The following CSMD3 variants were observed in gnomAD, a reference collection of about 807,000 sequenced individuals.
The protein encoded by CSMD3 is CUB and Sushi multiple domains 3.
Under a neutral mutation model 435.2 loss-of-function variants are expected in CSMD3, and 177 were observed. The ratio of observed to expected loss-of-function variants is 0.41; its 90% CI spans 0.36 to 0.46. The LOEUF (loss-of-function observed/expected upper bound fraction) is 0.46. Ranked by LOEUF, CSMD3 falls within the 20% of genes least tolerant of loss-of-function variation. The probability of loss-of-function intolerance (pLI) is 0.34; values close to 1 mark genes in which losing one functional copy is unlikely to be tolerated. For synonymous variants in CSMD3, 1,656 were observed against 1,520.5 expected (o/e 1.09, Z -2.07); for missense variants, 4,265 against 4,504.6 (o/e 0.95, Z 1.52).
intron 10 of CSMD3, among the ~76,000 whole-genome samples, chr8:112,900,425 A>G (rs2082081250): frequency 6.6e-6 from 1 of 151,200 alleles, no homozygotes; most frequent in Admixed American, 6.6e-5. Flanking sequence ...CCTTTATAAA[A>G]TATTTGAGTC....
intron 35 of CSMD3, among the ~76,000 whole-genome samples, chr8:112,403,571 G>C (rs1370256413): frequency 6.6e-6 from 1 of 152,098 alleles, no homozygotes. Flanking sequence ...CTTGCTCGGT[G>C]CTTCATAGAC....
chr8:112,610,752 C>T (rs1833193510), intron 22 of CSMD3, among the ~76,000 whole-genome samples: 1 of 152,158 alleles, frequency 6.6e-6, no homozygotes, highest in African/African-American at 2.4e-5. Flanking sequence ...CTCCTGACTG[C>T]ATCAGCTGAG....
At chr8:112,273,103 T>C (rs1817677809) in intron 59 of CSMD3, among the ~76,000 whole-genome samples, 1 of 152,198 alleles carries the variant, frequency 6.6e-6, no homozygotes, top group Admixed American at 6.5e-5. Flanking sequence ...TTGAATCAAA[T>C]GACTTATAAT....
At position 112,685,688 on chromosome 8, in the gene CSMD3, A is replaced by G; in HGVS notation, c.2200T>C (p.Ser734Pro). ...NFTAPMGTVL[S>P]PDYPEGYGNN... ...CCATACCCTTCTGGGTAATCAGGAG[A>G]AAGAACTGTTCCCATTGGTGCAGTA... Residue 734 changes from serine (S) to proline (P), a missense_variant, in exon 15 of 71, where the codon TCT (serine) becomes CCT (proline). By Grantham distance (74) the Ser-to-Pro change is moderately conservative. This residue lies in a region of CSMD3 where 279 missense variants were observed against 369.0 expected (regional missense o/e 0.76). Transcript: ENST00000297405. 6.2e-7 allele frequency: 1 copy of G among 1,613,614 alleles called. No individual in the cohort carries two copies. Among genetic ancestry groups the G allele is most frequent in the Non-Finnish European group, 8.5e-7 (1 of 1,179,602 alleles).
At chr8:113,098,518 CT>C in intron 5 of CSMD3, 1 of 503,116 alleles carries the variant, frequency 2.0e-6, no homozygotes, top group Non-Finnish European at 3.6e-6. Flanking sequence ...AAAAACACAA[CT>C]GTAGATTACA....
intron 13 of CSMD3, among the ~76,000 whole-genome samples, chr8:112,734,357 G>A (rs1275062259): frequency 1.3e-5 from 2 of 151,694 alleles, no homozygotes; most frequent in Admixed American, 6.6e-5. Context: ...CAATGGAGTG[G>A]TTATGAGTTA....
At chr8:113,241,954 T>C (rs972680668) in intron 3 of CSMD3, among the ~76,000 whole-genome samples, 20 of 151,222 alleles carry the variant, frequency 1.3e-4, no homozygotes, top group Non-Finnish European at 2.7e-4. Context: ...TTACTATATA[T>C]ATATATACAC....
At chr8:112,301,310 G>T (rs934545710) in intron 53 of CSMD3, among the ~76,000 whole-genome samples, 1 of 151,350 alleles carries the variant, frequency 6.6e-6, no homozygotes, top group African/African-American at 2.4e-5. Flanking sequence ...CTAAAATCAG[G>T]TTCAAAAAAT....
chr8:113,351,254 G>T (rs1423911823), intron 1 of CSMD3, among the ~76,000 whole-genome samples: 1 of 152,106 alleles, frequency 6.6e-6, no homozygotes, highest in African/African-American at 2.4e-5. Context: ...AAAAGTGCTT[G>T]AAAATATTAT....
At chr8:112,717,316 A>T (rs1049885825) in intron 13 of CSMD3, among the ~76,000 whole-genome samples, 6 of 152,226 alleles carry the variant, frequency 3.9e-5, no homozygotes, top group Admixed American at 2.0e-4. Context: ...CACACGACAA[A>T]AAGCTCAACA....
chr8:112,412,085 T>C (rs1010997513), intron 32 of CSMD3, among the ~76,000 whole-genome samples: 95 of 152,250 alleles, frequency 6.2e-4, no homozygotes, highest in African/African-American at 2.0e-3. Context: ...ATTTATCTAT[T>C]AACCATCTAT....
At chr8:112,522,492 C>G (rs1406688336) in intron 27 of CSMD3, among the ~76,000 whole-genome samples, 1 of 151,656 alleles carries the variant, frequency 6.6e-6, no homozygotes, top group East Asian at 1.9e-4. Context: ...CTTTGCTATG[C>G]CCTAGGAAGA....
chr8:112,397,662 C>T (rs1221503654), intron 35 of CSMD3, among the ~76,000 whole-genome samples: 3 of 152,112 alleles, frequency 2.0e-5, no homozygotes, highest in Non-Finnish European at 4.4e-5. Flanking sequence ...CTAGAGATCT[C>T]TCTGGGGTCT....
At chr8:112,313,423 T>C (rs1212704261) in intron 49 of CSMD3, among the ~76,000 whole-genome samples, 1 of 152,194 alleles carries the variant, frequency 6.6e-6, no homozygotes, top group Non-Finnish European at 1.5e-5. Context: ...TCTGTATGTT[T>C]ATCCTTTGTT....
At chr8:113,178,247 GA>G (rs1298351050) in intron 3 of CSMD3, among the ~76,000 whole-genome samples, 12 of 151,856 alleles carry the variant, frequency 7.9e-5, no homozygotes, top group African/African-American at 2.9e-4. Flanking sequence ...GTGTAGAAAG[GA>G]AAACTGAGAC....
chr8:113,178,080 T>C (rs1187912876), intron 3 of CSMD3, among the ~76,000 whole-genome samples: 1 of 151,988 alleles, frequency 6.6e-6, no homozygotes, highest in African/African-American at 2.4e-5. Context: ...CTCTATGATA[T>C]GTACTAGTTA....
intron 1 of CSMD3, among the ~76,000 whole-genome samples, chr8:113,411,053 TAGGAAGGA>T (rs201537821): frequency 7.0e-6 from 1 of 143,354 alleles, no homozygotes; most frequent in East Asian, 2.1e-4. Context: ...AGGAGAAAGA[TAGGAAGGA>T]AGGAAGGAAG....
At chr8:112,244,616 G>T (rs28684567) in intron 64 of CSMD3, 43 bp from the exon 65 acceptor site, 65,018 of 1,558,664 alleles carry the variant, frequency 0.042, 1,528 homozygotes, top group Non-Finnish European at 0.048. Flanking sequence ...CTATAGATAT[G>T]TTAAGAAAAA....
chr8:113,169,548 T>C (rs1267122145), intron 4 of CSMD3, among the ~76,000 whole-genome samples: 2 of 152,272 alleles, frequency 1.3e-5, no homozygotes, highest in African/African-American at 2.4e-5. Flanking sequence ...TAAAATTTTC[T>C]TTGGTTAATC....
Sources: allele counts gnomAD v4.1 joint callset (sites outside exome capture counted in the v4.1 genomes callset), GRCh38; gene constraint gnomAD v4.1.1; regional missense constraint gnomAD v4.1.1; transcripts MANE v1.5; gene names NCBI Gene and HGNC (gene_info 2026-07-23, HGNC 2026-07-21).